NUAK1: variants seen among roughly 807,000 people sequenced by gnomAD.
NUAK1 encodes the protein NUAK family SNF1-like kinase 1.
A neutral mutation model predicts 56.9 loss-of-function variants in NUAK1; 26 were observed. The ratio of observed to expected loss-of-function variants is 0.46; its 90% CI spans 0.33 to 0.63. The LOEUF (loss-of-function observed/expected upper bound fraction) is 0.63, where lower values mean the gene tolerates loss of function less well. Ranked by LOEUF, NUAK1 falls within the 30% of genes least tolerant of loss-of-function variation. NUAK1 has a pLI of 0.02. For missense variants in NUAK1, 727 were observed against 876.1 expected (o/e 0.83, Z 2.15); for synonymous variants, 337 against 336.0 (o/e 1.00, Z -0.03).
At chr12:106,121,888 G>A (rs1292677404) in intron 1 of NUAK1, among the ~76,000 whole-genome samples, 1 of 152,184 alleles carries the variant, frequency 6.6e-6, no homozygotes, top group East Asian at 1.9e-4. Flanking sequence ...CCCCTACTGG[G>A]TGAAACAGCA....
At chr12:106,084,015 G>A in intron 3 of NUAK1, 86 bp from the exon 4 acceptor site, 1 of 1,139,166 alleles carries the variant, frequency 8.8e-7, no homozygotes, top group South Asian at 1.2e-5. Context: ...GGTGAGCAAA[G>A]GGAAATGTCT....
Position 106,067,282 on chromosome 12 carries a change from G to A in NUAK1, c.1506C>T (p.Pro502=). The stretch of plus-strand genomic sequence containing the variant: ...TGGCTGGGTCCGGGGGGCTGGGGGA[G>A]GGGATGCTGCTGCCCATCACATCAT... The part of the protein sequence containing the change: ...DSNDVMGSSI[P]SPSPPDPARV... The change falls in exon 7 of 7, where the codon CCC becomes CCT. Residue 502 remains proline, a synonymous_variant. Coordinates refer to ENST00000261402, the MANE Select transcript of NUAK1 (RefSeq NM_014840.3). The surrounding 1 kb of genome is among the most constrained non-coding windows in gnomAD (Gnocchi z 6.0). 10 of 1,614,082 alleles carry A rather than the reference G, an allele frequency of 6.2e-6. No homozygotes were observed. Among genetic ancestry groups the A allele is most frequent in the Non-Finnish European group, 8.5e-6 (10 of 1,179,984 alleles).
chr12:106,116,103 G>C (rs2032914099), intron 1 of NUAK1, among the ~76,000 whole-genome samples: 1 of 152,112 alleles, frequency 6.6e-6, no homozygotes, highest in African/African-American at 2.4e-5. Flanking sequence ...AATCATTTCT[G>C]TTTTATGCAC....
In NUAK1 at chr12:106,121,273, G is replaced by A. The variant is rs141042285; in HGVS notation, c.241-14748C>T. 8.9e-4 allele frequency among the ~76,000 whole-genome samples: 135 copies of A among 152,238 alleles called. No homozygotes were observed. The Middle Eastern group carries it at 0.01, about 12-fold the overall frequency. The stretch of plus-strand genomic sequence containing the variant: ...CCCGTCACAGAGTTGCTGTGAAGAC[G>A]GTACAAGATAATGTATGTAAACTGC... On this transcript the variant is annotated intron_variant, in intron 1 of 6. Transcript: ENST00000261402.
chr12:106,101,078 G>A (rs1323274598), intron 2 of NUAK1, among the ~76,000 whole-genome samples: 1 of 152,216 alleles, frequency 6.6e-6, no homozygotes, highest in African/African-American at 2.4e-5. Context: ...TCTGTGAGTA[G>A]CAGGGAGACC....
At chr12:106,105,073 C>A (rs2032787808) in intron 2 of NUAK1, among the ~76,000 whole-genome samples, 1 of 152,012 alleles carries the variant, frequency 6.6e-6, no homozygotes, top group Non-Finnish European at 1.5e-5. Flanking sequence ...CGTGCCTCAG[C>A]CTCCTGAGTA....
chr12:106,102,359 T>C (rs2032758335), intron 2 of NUAK1, among the ~76,000 whole-genome samples: 3 of 152,200 alleles, frequency 2.0e-5, no homozygotes, highest in Admixed American at 2.0e-4. Flanking sequence ...GAACTTTCTA[T>C]GAAGATGAAA....
chr12:106,087,849 G>A (rs1051039996), intron 2 of NUAK1, among the ~76,000 whole-genome samples: 1 of 152,222 alleles, frequency 6.6e-6, no homozygotes. Context: ...GCCTCCCAAA[G>A]AGCTGGCTGG....
chr12:106,063,719 C>G lies in NUAK1; in HGVS notation c.*3083G>C, dbSNP rs2032305915. On this transcript the variant is annotated 3_prime_UTR_variant, in exon 7 of 7. Transcript: ENST00000261402. ...TTTTAATGTGCAGTCAAGTTTCTCT[C>G]TTTTTTTCTTCTAGGAATGATACCA... 1 of 148,306 alleles carries G rather than the reference C, an allele frequency of 6.7e-6. No individual in the cohort carries two copies. Among genetic ancestry groups the G allele is most frequent in the African/African-American group, 2.5e-5 (1 of 39,892 alleles). 9.2% of individuals were successfully genotyped at this position (148,306 alleles called of 1,614,324 possible). A position where few individuals can be genotyped will look rare whatever the true frequency, so the allele number is the denominator to read the frequency against.
chr12:106,136,169 C>T (rs1049560472), intron 1 of NUAK1, among the ~76,000 whole-genome samples: 1 of 152,178 alleles, frequency 6.6e-6, no homozygotes, highest in South Asian at 2.1e-4. Flanking sequence ...CATGAATAAA[C>T]GAAGCATTTT....
chr12:106,072,649 C>A, intron 5 of NUAK1, 75 bp downstream of exon 5: 1 of 1,472,026 alleles, frequency 6.8e-7, no homozygotes. Flanking sequence ...AAGCATTTCT[C>A]GAATCCAGTT....
chr12:106,108,675 C>T (rs533040061), intron 1 of NUAK1, among the ~76,000 whole-genome samples: 1 of 152,158 alleles, frequency 6.6e-6, no homozygotes, highest in Admixed American at 6.5e-5. Context: ...TAAAGATGGC[C>T]GAGGGTAGAA....
intron 1 of NUAK1, among the ~76,000 whole-genome samples, chr12:106,123,018 T>G (rs1481830731): frequency 6.6e-6 from 1 of 152,244 alleles, no homozygotes; most frequent in Non-Finnish European, 1.5e-5. Flanking sequence ...TTACATGGTT[T>G]CACCTCTAGA....
rs141538558 is a variant in NUAK1, at chr12:106,070,834, G to T, written c.772C>A (p.His258Asn). 1.1e-4 allele frequency: 184 copies of T among 1,614,046 alleles called. No individual in the cohort carries two copies. The highest frequency in any genetic ancestry group is 1.5e-4 in the Non-Finnish European group (174 of 1,180,038). The change falls in exon 6 of 7, where the codon CAC (histidine) becomes AAC (asparagine). Residue 258 changes from histidine to asparagine, a missense_variant. By Grantham distance (68) the His-to-Asn change is moderately conservative (BLOSUM62 1). Coordinates refer to ENST00000261402, the MANE Select transcript of NUAK1 (RefSeq NM_014840.3). ...CTGATTTGCCGAATGAGGTTTTTGTGATCGAAACCATCGAAGGGCATTGTT... is the reference window on the plus strand; with the variant it reads ...CTGATTTGCCGAATGAGGTTTTTGTTATCGAAACCATCGAAGGGCATTGTT... ...YGTMPFDGFD[H>N]KNLIRQISSG...
intron 1 of NUAK1, among the ~76,000 whole-genome samples, chr12:106,117,455 A>G (rs1206253293): frequency 1.3e-5 from 2 of 152,198 alleles, no homozygotes; most frequent in Non-Finnish European, 2.9e-5. Flanking sequence ...TTTCCAAAAA[A>G]AGCCAAGGCA....
At chr12:106,084,973 T>A (rs2032556908) in intron 3 of NUAK1, among the ~76,000 whole-genome samples, 1 of 152,230 alleles carries the variant, frequency 6.6e-6, no homozygotes, top group Non-Finnish European at 1.5e-5. Flanking sequence ...ATTCTTAATA[T>A]CTCCAAAAGC....
intron 1 of NUAK1, among the ~76,000 whole-genome samples, chr12:106,110,138 T>C (rs2032843813): frequency 6.6e-6 from 1 of 152,128 alleles, no homozygotes; most frequent in South Asian, 2.1e-4. Context: ...GATGAACATC[T>C]TGAACCCAAA....
chr12:106,098,492 T>C (rs1199671999), intron 2 of NUAK1, among the ~76,000 whole-genome samples: 3 of 152,136 alleles, frequency 2.0e-5, no homozygotes, highest in African/African-American at 7.2e-5. Flanking sequence ...TCCTACTTTG[T>C]CCCAGAAAGC....
chr12:106,133,371 G>A (rs1345428145), intron 1 of NUAK1, among the ~76,000 whole-genome samples: 2 of 152,086 alleles, frequency 1.3e-5, no homozygotes, highest in African/African-American at 2.4e-5. Flanking sequence ...AAGGGTGGGC[G>A]ATCACCCCAT....
Sources: gnomAD v4.1 joint callset for allele counts (sites outside exome capture counted in the v4.1 genomes callset) on GRCh38, gnomAD v4.1.1 for gene constraint, Gnocchi (gnomAD v3.1) non-coding constraint, MANE v1.5 for transcripts, NCBI Gene and HGNC (gene_info 2026-07-23, HGNC 2026-07-21) for gene names.